Variants in SLC44A5 observed in about 807,000 individuals in gnomAD.
SLC44A5 encodes the protein choline transporter-like protein 5.
A neutral mutation model predicts 101.8 loss-of-function variants in SLC44A5; 57 were observed. The observed-to-expected ratio is 0.56, with a 90% confidence interval of 0.45 to 0.70. The LOEUF is 0.70. Among genes scored for constraint, SLC44A5 ranks in the 30% least tolerant of loss-of-function variants. The pLI is 0.00. For synonymous variants in SLC44A5, 281 were observed against 290.9 expected (o/e 0.97, Z 0.35); for missense variants, 737 against 853.1 (o/e 0.86, Z 1.70).
chr1:75,237,366 G>T (rs1373887276), intron 10 of SLC44A5, among the ~76,000 whole-genome samples: 1 of 152,040 alleles, frequency 6.6e-6, no homozygotes. Flanking sequence ...TGTAAGAAAT[G>T]AATTTAAATG....
At chr1:75,321,383 C>T (rs531046890) in intron 4 of SLC44A5, among the ~76,000 whole-genome samples, 1 of 152,068 alleles carries the variant, frequency 6.6e-6, no homozygotes, top group Non-Finnish European at 1.5e-5. Context: ...GCCAGCCAAT[C>T]TGGTTCCTTA....
intron 1 of SLC44A5, among the ~76,000 whole-genome samples, chr1:75,600,279 C>A (rs1674894003): frequency 6.6e-6 from 1 of 151,914 alleles, no homozygotes; most frequent in Non-Finnish European, 1.5e-5. Context: ...AAAAGTACAA[C>A]CATGAAAATT....
At chr1:75,520,126 T>C (rs1670038896) in intron 2 of SLC44A5, among the ~76,000 whole-genome samples, 1 of 152,230 alleles carries the variant, frequency 6.6e-6, no homozygotes, top group Admixed American at 6.5e-5. Flanking sequence ...TCACACAATG[T>C]CCTATAAATT....
chr1:75,640,128 T>A, the SLC44A5 span, among the ~76,000 whole-genome samples: 1 of 152,088 alleles, frequency 6.6e-6, no homozygotes, highest in East Asian at 1.9e-4. Context: ...AGCAACAGTT[T>A]CGCCAAATTT....
intron 3 of SLC44A5, among the ~76,000 whole-genome samples, chr1:75,377,037 C>G (rs551736005): frequency 2.0e-5 from 3 of 152,118 alleles, no homozygotes; most frequent in African/African-American, 7.2e-5. Context: ...AATGAAGAAG[C>G]CTCAGGAGTC....
At chr1:75,415,758 G>T (rs375650029) in intron 2 of SLC44A5, among the ~76,000 whole-genome samples, 87 of 152,278 alleles carry the variant, frequency 5.7e-4, no homozygotes, top group Middle Eastern at 6.8e-3. Flanking sequence ...TGAGGAACTT[G>T]TTGGGAACTA....
intron 6 of SLC44A5, among the ~76,000 whole-genome samples, chr1:75,264,384 G>A (rs769322059): frequency 1.3e-5 from 2 of 152,126 alleles, no homozygotes; most frequent in Admixed American, 1.3e-4. Flanking sequence ...AGATTATTCT[G>A]TTTGCAGCTG....
the SLC44A5 span, among the ~76,000 whole-genome samples, chr1:75,660,004 G>T: frequency 6.6e-6 from 1 of 152,120 alleles, no homozygotes; most frequent in Non-Finnish European, 1.5e-5. Context: ...AGGAGTTAGA[G>T]ACCAGCCTGG....
chr1:75,440,790 T>A (rs1465067914), intron 2 of SLC44A5, among the ~76,000 whole-genome samples: 10 of 152,010 alleles, frequency 6.6e-5, no homozygotes, highest in Non-Finnish European at 8.8e-5. Context: ...CATTTTCACA[T>A]AAGTGATAAC....
chr1:75,350,879 G>A (rs1337733634), intron 3 of SLC44A5, among the ~76,000 whole-genome samples: 2 of 129,612 alleles, frequency 1.5e-5, no homozygotes, highest in African/African-American at 6.0e-5. Flanking sequence ...GCGTGACAGG[G>A]TGAGACTCCA....
At chr1:75,679,874 C>T in the SLC44A5 span, among the ~76,000 whole-genome samples, 59 of 152,186 alleles carry the variant, frequency 3.9e-4, no homozygotes, top group African/African-American at 1.2e-3. Flanking sequence ...ACCCATCTCA[C>T]GTGCAGAGAC....
chr1:75,613,433 G>T (rs765593195), upstream of SLC44A5, among the ~76,000 whole-genome samples: 5 of 152,188 alleles, frequency 3.3e-5, no homozygotes, highest in Non-Finnish European at 7.4e-5. Context: ...CAAGTCAATA[G>T]ATTACAACTT....
intron 23 of SLC44A5, among the ~76,000 whole-genome samples, chr1:75,204,224 A>AATT (rs1646711474): frequency 6.6e-6 from 1 of 152,172 alleles, no homozygotes; most frequent in Admixed American, 6.5e-5. Flanking sequence ...GAAAAATAAA[A>AATT]ATTGTGAAAT....
intron 6 of SLC44A5, among the ~76,000 whole-genome samples, chr1:75,260,972 C>A (rs1650449047): frequency 6.6e-6 from 1 of 152,066 alleles, no homozygotes; most frequent in South Asian, 2.1e-4. Flanking sequence ...TTCTTTGAAA[C>A]CAATGAGAAC....
intron 2 of SLC44A5, among the ~76,000 whole-genome samples, chr1:75,539,240 G>C (rs551908614): frequency 6.6e-6 from 1 of 152,058 alleles, no homozygotes; most frequent in Non-Finnish European, 1.5e-5. Context: ...AATTTCATTT[G>C]TACCTTACCT....
chr1:75,422,424 A>C (rs951899214), intron 2 of SLC44A5, among the ~76,000 whole-genome samples: 2 of 152,206 alleles, frequency 1.3e-5, no homozygotes, highest in African/African-American at 4.8e-5. Context: ...GCAACAAATA[A>C]ATGAAAACAT....
intron 1 of SLC44A5, among the ~76,000 whole-genome samples, chr1:75,605,888 C>G (rs1353074079): frequency 2.0e-5 from 3 of 152,008 alleles, no homozygotes; most frequent in Admixed American, 2.0e-4. Flanking sequence ...GATGATAGGG[C>G]TAGCCCATAG....
chr1:75,480,763 C>T (rs1391142995), intron 2 of SLC44A5, among the ~76,000 whole-genome samples: 3 of 152,052 alleles, frequency 2.0e-5, no homozygotes, highest in African/African-American at 4.8e-5. Flanking sequence ...AGGATACAAA[C>T]AAATGGAAGA....
the SLC44A5 span, among the ~76,000 whole-genome samples, chr1:75,624,435 T>C: frequency 6.6e-6 from 1 of 152,104 alleles, no homozygotes; most frequent in Non-Finnish European, 1.5e-5. Context: ...TTGCCTCATA[T>C]GTTAGTCATT....
Sources: gnomAD v4.1 joint callset for allele counts (sites outside exome capture counted in the v4.1 genomes callset) on GRCh38, gnomAD v4.1.1 for gene constraint, MANE v1.5 for transcripts, NCBI Gene and HGNC (gene_info 2026-07-23, HGNC 2026-07-21) for gene names.